SUGCT: variants seen among roughly 807,000 people sequenced by gnomAD.
SUGCT encodes the protein succinyl-CoA:glutarate-CoA transferase, also known as succinyl-CoA:glutarate CoA-transferase.
In SUGCT, 41 loss-of-function variants were observed where a neutral mutation model predicts 55.0. The ratio of observed to expected loss-of-function variants is 0.74; its 90% CI spans 0.58 to 0.97. SUGCT has a LOEUF of 0.97. SUGCT is among the 50% of genes least tolerant of loss of function. SUGCT has a pLI of 0.00. For synonymous variants in SUGCT, 187 were observed against 200.4 expected, an observed-to-expected ratio of 0.93 and a Z score of 0.56; for missense variants, 568 against 547.8, an observed-to-expected ratio of 1.04 and a Z score of -0.37.
chr7:40,186,379 G>A (rs1000238356), intron 3 of SUGCT, among the ~76,000 whole-genome samples: 9 of 151,462 alleles, frequency 5.9e-5, no homozygotes, highest in African/African-American at 1.9e-4. Context: ...CCACCTCAGC[G>A]TCCTAAGTAG....
At chr7:40,842,792 CTCTT>C (rs918356092) in intron 13 of SUGCT, among the ~76,000 whole-genome samples, 1 of 152,148 alleles carries the variant, frequency 6.6e-6, no homozygotes, top group Non-Finnish European at 1.5e-5. Context: ...ATTGCAGGGC[CTCTT>C]TCTTGTGGGT....
chr7:40,859,400 A>G (rs1794370306), intron 13 of SUGCT, among the ~76,000 whole-genome samples: 2 of 152,120 alleles, frequency 1.3e-5, no homozygotes, highest in South Asian at 4.2e-4. Context: ...GCAAAACTTT[A>G]GGTTTTAGGG....
At chr7:40,299,745 A>G (rs1251217788) in intron 8 of SUGCT, among the ~76,000 whole-genome samples, 1 of 152,208 alleles carries the variant, frequency 6.6e-6, no homozygotes, top group Non-Finnish European at 1.5e-5. Flanking sequence ...CTTATTAGAA[A>G]TCAATTTTGC....
chr7:40,715,731 T>C (rs1252157876), intron 12 of SUGCT, among the ~76,000 whole-genome samples: 2 of 152,200 alleles, frequency 1.3e-5, no homozygotes, highest in Non-Finnish European at 2.9e-5. Context: ...ACTTGTCTTT[T>C]GACATCCTCC....
At chr7:40,238,762 T>C (rs1789171586) in intron 7 of SUGCT, among the ~76,000 whole-genome samples, 1 of 152,086 alleles carries the variant, frequency 6.6e-6, no homozygotes, top group South Asian at 2.1e-4. Context: ...TACAAAGTTA[T>C]TGTACTTTCA....
intron 10 of SUGCT, among the ~76,000 whole-genome samples, chr7:40,455,458 A>G (rs1789429343): frequency 6.6e-6 from 1 of 152,234 alleles, no homozygotes; most frequent in African/African-American, 2.4e-5. Context: ...CACTTCAAAT[A>G]TAATGATACT....
At chr7:40,256,299 C>T (rs890801886) in intron 7 of SUGCT, among the ~76,000 whole-genome samples, 3 of 152,120 alleles carry the variant, frequency 2.0e-5, no homozygotes, top group African/African-American at 7.2e-5. Context: ...GTTTTCAGTT[C>T]CTTATGGCTA....
At chr7:40,195,753 C>T (rs1412511822) in intron 6 of SUGCT, among the ~76,000 whole-genome samples, 1 of 112,554 alleles carries the variant, frequency 8.9e-6, no homozygotes, top group Non-Finnish European at 1.7e-5. Flanking sequence ...CTCACTCTGT[C>T]GCCCAGCCTG....
the SUGCT span, among the ~76,000 whole-genome samples, chr7:40,878,361 G>A: frequency 0.011 from 1,678 of 152,146 alleles, 31 homozygotes; most frequent in African/African-American, 0.038. Context: ...ATTATATAGC[G>A]ATTCTTCATA....
the SUGCT span, among the ~76,000 whole-genome samples, chr7:40,881,905 G>C: frequency 9.2e-5 from 14 of 152,352 alleles, no homozygotes; most frequent in South Asian, 2.9e-3. Flanking sequence ...GACTAGGGTA[G>C]TAAAAATGCA....
intron 11 of SUGCT, among the ~76,000 whole-genome samples, chr7:40,476,776 C>G (rs573684599): frequency 9.2e-5 from 14 of 151,418 alleles, no homozygotes; most frequent in African/African-American, 3.4e-4. Flanking sequence ...TTCAATCAAA[C>G]TGAATGAAAA....
At chr7:40,911,983 C>CTG in the SUGCT span, among the ~76,000 whole-genome samples, 1 of 152,114 alleles carries the variant, frequency 6.6e-6, no homozygotes, top group African/African-American at 2.4e-5. Flanking sequence ...AATTTAAGGT[C>CTG]TGTTGGTATT....
At chr7:40,871,811 AGGATATAAATT>A in the SUGCT span, among the ~76,000 whole-genome samples, 169 of 152,258 alleles carry the variant, frequency 1.1e-3, no homozygotes, top group Non-Finnish European at 2.1e-3. Flanking sequence ...GGGGGAGCTC[AGGATATAAATT>A]ACAGCAGTAG....
At chr7:40,980,840 G>A in the SUGCT span, among the ~76,000 whole-genome samples, 30 of 152,216 alleles carry the variant, frequency 2.0e-4, no homozygotes, top group Non-Finnish European at 4.0e-4. Flanking sequence ...GGGACCACAG[G>A]CACACACCAC....
rs201676855 is a variant in SUGCT, at chr7:40,176,240, A to AT, written c.101-4704dup. Among the ~76,000 whole-genome samples the AT allele has an allele frequency of 2.4e-4, 36 of 149,248 alleles. 1 individual carries two copies. In the South Asian group the frequency reaches 4.2e-3, roughly 17 times the overall value. ...CCATCTCAAAAGAAAAAAAAAAAAA[A>AT]TTTAGTGAGTAGTCAAATTCCCAAA... On this transcript the variant is annotated intron_variant, in intron 1 of 13. Coordinates refer to ENST00000335693, the MANE Select transcript of SUGCT (RefSeq NM_001193313.2).
chr7:40,955,811 C>T, the SUGCT span, among the ~76,000 whole-genome samples: 1 of 152,024 alleles, frequency 6.6e-6, no homozygotes, highest in African/African-American at 2.4e-5. Flanking sequence ...TCCATCAATA[C>T]CTAGTTTATT....
intron 9 of SUGCT, among the ~76,000 whole-genome samples, chr7:40,415,107 T>A (rs58325828): frequency 0.25 from 25,590 of 102,284 alleles, 3,794 homozygotes; most frequent in South Asian, 0.34. Context: ...TATCTATCTA[T>A]CTATCTATAT....
intron 9 of SUGCT, among the ~76,000 whole-genome samples, chr7:40,387,388 A>T (rs1785179569): frequency 2.0e-5 from 3 of 152,174 alleles, no homozygotes; most frequent in Admixed American, 2.0e-4. Context: ...AAGGCAGGAA[A>T]TCTATGGACA....
intron 12 of SUGCT, among the ~76,000 whole-genome samples, chr7:40,570,190 A>G (rs1415903707): frequency 6.6e-6 from 1 of 152,242 alleles, no homozygotes; most frequent in Non-Finnish European, 1.5e-5. Flanking sequence ...TGGACATATT[A>G]TAAGCATTTT....
Sources: gnomAD v4.1 joint callset for allele counts (sites outside exome capture counted in the v4.1 genomes callset) on GRCh38, gnomAD v4.1.1 for gene constraint, MANE v1.5 for transcripts, NCBI Gene and HGNC (gene_info 2026-07-23, HGNC 2026-07-21) for gene names.